COP1: variants seen among roughly 807,000 people sequenced by gnomAD.
COP1 encodes the protein COP1 E3 ubiquitin ligase.
In COP1, 24 loss-of-function variants were observed where a neutral mutation model predicts 101.3. The observed-to-expected ratio is 0.24, with a 90% CI of 0.17 to 0.33. The LOEUF (loss-of-function observed/expected upper bound fraction) is 0.33. COP1 is among the 10% of genes least tolerant of loss of function. The probability of loss-of-function intolerance (pLI) is 1.00; values close to 1 mark genes in which losing one functional copy is unlikely to be tolerated. For missense variants in COP1, 663 were observed against 906.2 expected (o/e 0.73, Z 3.45); for synonymous variants, 347 against 341.9 (o/e 1.01, Z -0.17).
intron 15 of COP1, among the ~76,000 whole-genome samples, chr1:175,989,714 A>G (rs1657954751): frequency 6.6e-6 from 1 of 152,210 alleles, no homozygotes; most frequent in Non-Finnish European, 1.5e-5. Context: ...TAATGATGTC[A>G]TGAAAAAAAT....
At chr1:176,019,505 T>TAATAACAAC (rs1374161037) in intron 15 of COP1, among the ~76,000 whole-genome samples, 19 of 133,184 alleles carry the variant, frequency 1.4e-4, no homozygotes, top group Admixed American at 6.9e-4. Flanking sequence ...ATAATAATAA[T>TAATAACAAC]AACCATCATC....
intron 2 of COP1, among the ~76,000 whole-genome samples, chr1:176,181,417 A>C (rs1276245501): frequency 1.9e-5 from 2 of 107,906 alleles, no homozygotes; most frequent in African/African-American, 5.8e-5. Flanking sequence ...TTTTGCTTTA[A>C]ACAAAACTGC....
At chr1:175,981,062 C>G (rs1033118330) in intron 18 of COP1, among the ~76,000 whole-genome samples, 4 of 152,110 alleles carry the variant, frequency 2.6e-5, no homozygotes, top group Non-Finnish European at 4.4e-5. Context: ...TTACCTAACT[C>G]CAGTCTCTAG....
intron 11 of COP1, among the ~76,000 whole-genome samples, chr1:176,067,603 T>C (rs189113972): frequency 1.3e-5 from 2 of 152,164 alleles, no homozygotes; most frequent in East Asian, 1.9e-4. Context: ...CTATCCTCCT[T>C]CTGGCCTCTC....
At chr1:176,137,632 C>G (rs1054258707) in intron 6 of COP1, among the ~76,000 whole-genome samples, 1 of 152,134 alleles carries the variant, frequency 6.6e-6, no homozygotes, top group Non-Finnish European at 1.5e-5. Flanking sequence ...AGTGGCAGAA[C>G]TGGAATTCAA....
rs1258698000 is a variant in COP1 at position 176,126,703 on chromosome 1, C to T, written c.968+8307G>A. On this transcript the variant is annotated intron_variant, in intron 8 of 19. Transcript: ENST00000367669. ...TCTTGACCTTGTGATCCGCCAGCCT[C>T]GGCCTCCCAAAGTGCTGGGGTTACA... Among the ~76,000 whole-genome samples the T allele has an allele frequency of 1.1e-3, 162 of 152,122 alleles. 2 individuals are homozygous for T. The highest frequency in any genetic ancestry group is 3.7e-4 in the Non-Finnish European group (25 of 68,012).
chr1:176,181,693 T>C (rs1407893475), intron 2 of COP1, among the ~76,000 whole-genome samples: 2 of 151,826 alleles, frequency 1.3e-5, no homozygotes, highest in Non-Finnish European at 2.9e-5. Context: ...TACAAAAAAT[T>C]AGCCGGGCGT....
intron 9 of COP1, among the ~76,000 whole-genome samples, chr1:176,097,627 G>A (rs1451695523): frequency 6.6e-6 from 1 of 152,024 alleles, no homozygotes; most frequent in Non-Finnish European, 1.5e-5. Flanking sequence ...CTAGCACTTT[G>A]GGAAGCTGAG....
chr1:176,177,704 A>T (rs908628875), intron 2 of COP1, among the ~76,000 whole-genome samples: 7 of 152,144 alleles, frequency 4.6e-5, no homozygotes, highest in African/African-American at 1.7e-4. Flanking sequence ...AATTACTATA[A>T]ATTTACTTGA....
chr1:176,130,533 G>C (rs1688714481), intron 8 of COP1, among the ~76,000 whole-genome samples: 1 of 151,772 alleles, frequency 6.6e-6, no homozygotes, highest in South Asian at 2.1e-4. Flanking sequence ...ATGGATGAAA[G>C]CTTAAAAGGT....
chr1:175,989,136 C>A, intron 16 of COP1: 1 of 351,614 alleles, frequency 2.8e-6, no homozygotes, highest in Non-Finnish European at 5.1e-6. Flanking sequence ...ATATAAAAAA[C>A]TAGTATCTTC....
chr1:176,129,008 ATGACCAGAGATT>A (rs1214621575), intron 8 of COP1, among the ~76,000 whole-genome samples: 2 of 151,950 alleles, frequency 1.3e-5, no homozygotes, highest in Non-Finnish European at 2.9e-5. Context: ...TATTCTTTCA[ATGACCAGAGATT>A]AGTATAGTTG....
chr1:176,090,552 A>G (rs939833176), intron 9 of COP1, among the ~76,000 whole-genome samples: 17 of 152,216 alleles, frequency 1.1e-4, no homozygotes, highest in Admixed American at 6.5e-4. Context: ...TAAACAAAAT[A>G]TAACAGCAGC....
At chr1:176,149,832 C>A (rs1692140085) in intron 5 of COP1, among the ~76,000 whole-genome samples, 1 of 151,734 alleles carries the variant, frequency 6.6e-6, no homozygotes, top group Non-Finnish European at 1.5e-5. Context: ...ATATCAAAAG[C>A]TAAAAATAAA....
At chr1:176,007,865 G>A (rs1663724596) in intron 15 of COP1, among the ~76,000 whole-genome samples, 1 of 152,242 alleles carries the variant, frequency 6.6e-6, no homozygotes, top group Non-Finnish European at 1.5e-5. Context: ...GCTGTGGTGG[G>A]CTCCACCCAG....
intron 18 of COP1, among the ~76,000 whole-genome samples, chr1:175,967,619 C>T (rs940327671): frequency 6.6e-6 from 1 of 152,170 alleles, no homozygotes; most frequent in South Asian, 2.1e-4. Context: ...ACAGGAAAAA[C>T]CAAGATTTTG....
chr1:176,203,771 A>C (rs1700540893), intron 1 of COP1, among the ~76,000 whole-genome samples: 1 of 152,260 alleles, frequency 6.6e-6, no homozygotes, highest in Non-Finnish European at 1.5e-5. Context: ...TAAAATGTTT[A>C]TGAATTCTTC....
intron 11 of COP1, among the ~76,000 whole-genome samples, chr1:176,054,495 T>C (rs1673114702): frequency 1.3e-5 from 2 of 152,106 alleles, no homozygotes; most frequent in African/African-American, 4.8e-5. Context: ...CTGAAAAATA[T>C]AAAAAGAACA....
intron 1 of COP1, among the ~76,000 whole-genome samples, chr1:176,195,969 C>T (rs532589736): frequency 6.6e-6 from 1 of 152,202 alleles, no homozygotes; most frequent in South Asian, 2.1e-4. Context: ...ACTAGCATCA[C>T]GCAATATACC....
Sources: gnomAD v4.1 joint callset for allele counts (sites outside exome capture counted in the v4.1 genomes callset) on GRCh38, gnomAD v4.1.1 for gene constraint, MANE v1.5 for transcripts, NCBI Gene and HGNC (gene_info 2026-07-23, HGNC 2026-07-21) for gene names.